The following MTRF1 variants were observed in gnomAD, a reference collection of about 807,000 sequenced individuals.
MTRF1 encodes the protein mitochondrial translation release factor 1, also known as peptide chain release factor 1, mitochondrial.
A neutral mutation model predicts 62.9 loss-of-function variants in MTRF1; 51 were observed. The observed-to-expected ratio is 0.81, with a 90% CI of 0.65 to 1.02. The LOEUF (loss-of-function observed/expected upper bound fraction) is 1.02, where lower values mean the gene tolerates loss of function less well. Among genes scored for constraint, MTRF1 ranks in the 50% least tolerant of loss-of-function variants. MTRF1 has a pLI of 0.00. For missense variants in MTRF1, 446 were observed against 530.0 expected (o/e 0.84, Z 1.56); for synonymous variants, 158 against 181.9 (o/e 0.87, Z 1.06).
Position 41,233,962 on chromosome 13 carries a change from G to A in MTRF1, c.916C>T (p.Arg306Ter). The A allele has an allele frequency of 2.5e-6, 4 of 1,614,006 alleles. No homozygotes were observed. Among genetic ancestry groups the A allele is most frequent in the Non-Finnish European group, 2.5e-6 (3 of 1,179,942 alleles). ...DPKDLRIDTF[R>*]AKGAGGQHVN... ...TGCTGCCCTCCTGCTCCTTTGGCTC[G>A]AAATGTATCTATTCGCAAATCCTTG... Residue 306 changes from arginine to a stop codon, truncating the protein, a stop_gained, in exon 7 of 10, where the codon CGA (arginine) becomes TGA (stop). Coordinates refer to ENST00000379480, the MANE Select transcript of MTRF1 (RefSeq NM_004294.4). LOFTEE classifies it high-confidence loss of function.
chr13:41,248,360 G>A (rs1216317869), intron 5 of MTRF1, among the ~76,000 whole-genome samples: 1 of 152,192 alleles, frequency 6.6e-6, no homozygotes, highest in African/African-American at 2.4e-5. Context: ...GACCTCAGGT[G>A]ATCCACCTGC....
intron 9 of MTRF1, among the ~76,000 whole-genome samples, chr13:41,221,872 G>A (rs1281625462): frequency 6.6e-6 from 1 of 152,150 alleles, no homozygotes; most frequent in African/African-American, 2.4e-5. Context: ...AGAACAATAT[G>A]GCCAAACACG....
chr13:41,263,450 G>T (rs555582546), intron 1 of MTRF1, 35 bp downstream of exon 1: 49 of 383,094 alleles, frequency 1.3e-4, no homozygotes, highest in Non-Finnish European at 1.8e-4. Flanking sequence ...CAATACAGGA[G>T]GCGGCGGGGA....
chr13:41,217,003 GTGTTCTTAAAGC>G lies in MTRF1; in HGVS notation c.*100_*111del. 2 of 549,738 alleles carry G rather than the reference GTGTTCTTAAAGC, an allele frequency of 3.6e-6. No homozygotes were observed. The highest frequency in any genetic ancestry group is 6.3e-6 in the Non-Finnish European group (2 of 315,682). 34.1% of individuals were successfully genotyped at this position (549,738 alleles called of 1,614,324 possible). A position where few individuals can be genotyped will look rare whatever the true frequency, so the allele number is the denominator to read the frequency against. ...TACAAAACATATATTTATGTGTAAT[GTGTTCTTAAAGC>G]TGTAATTTACAAATATTCATAATGA... is the stretch of plus-strand genomic sequence containing the variant. On this transcript the variant is annotated 3_prime_UTR_variant, in exon 10 of 10. Transcript: ENST00000379480.
At chr13:41,244,544 C>A (rs979136098) in intron 5 of MTRF1, among the ~76,000 whole-genome samples, 4 of 152,102 alleles carry the variant, frequency 2.6e-5, no homozygotes, top group Non-Finnish European at 5.9e-5. Context: ...GTATTCATAC[C>A]CTTACAGTTC....
At chr13:41,308,170 ATAGT>A in the MTRF1 span, among the ~76,000 whole-genome samples, 1 of 152,192 alleles carries the variant, frequency 6.6e-6, no homozygotes, top group Non-Finnish European at 1.5e-5. Context: ...GAGAGTGAAG[ATAGT>A]TAATGATTTG....
At chr13:41,219,809 A>C (rs2032832854) in intron 9 of MTRF1, among the ~76,000 whole-genome samples, 1 of 150,782 alleles carries the variant, frequency 6.6e-6, no homozygotes, top group Non-Finnish European at 1.5e-5. Context: ...GAACAGCCTG[A>C]CCAACATGGG....
chr13:41,223,415 A>C, intron 8 of MTRF1, 61 bp from the exon 9 acceptor site: 1 of 1,344,858 alleles, frequency 7.4e-7, no homozygotes, highest in Non-Finnish European at 1.1e-6. Flanking sequence ...TTACAATGGA[A>C]AAAGCACTTG....
chr13:41,296,461 G>T, the MTRF1 span, among the ~76,000 whole-genome samples: 1 of 152,022 alleles, frequency 6.6e-6, no homozygotes, highest in African/African-American at 2.4e-5. Flanking sequence ...ACTTTTTGTT[G>T]GCTTAAAATT....
the MTRF1 span, among the ~76,000 whole-genome samples, chr13:41,303,068 G>A: frequency 1.3e-5 from 2 of 152,002 alleles, no homozygotes; most frequent in African/African-American, 4.8e-5. Flanking sequence ...AGAAATTCCA[G>A]AAAGAGCCTT....
At chr13:41,266,973 G>A (rs1566204632), upstream of MTRF1, among the ~76,000 whole-genome samples, 1 of 140,800 alleles carries the variant, frequency 7.1e-6, no homozygotes, top group African/African-American at 2.8e-5. Flanking sequence ...CTCCAGCCTG[G>A]CCAACAGAGC....
chr13:41,234,049 C>T (rs774753258), intron 6 of MTRF1, 42 bp from the exon 7 acceptor site: 58 of 1,395,850 alleles, frequency 4.2e-5, no homozygotes, highest in Non-Finnish European at 5.8e-5. Flanking sequence ...TCCGTGAATA[C>T]TTTAATATAA....
intron 6 of MTRF1, among the ~76,000 whole-genome samples, chr13:41,238,904 A>C (rs552461700): frequency 1.1e-4 from 16 of 152,298 alleles, no homozygotes; most frequent in African/African-American, 3.1e-4. Context: ...TCAACATAAT[A>C]CAGAGGATAA....
intron 3 of MTRF1, among the ~76,000 whole-genome samples, chr13:41,253,650 CAAAGTA>C (rs2039356716): frequency 6.6e-6 from 1 of 152,196 alleles, no homozygotes; most frequent in African/African-American, 2.4e-5. Flanking sequence ...TTTTTCAAAT[CAAAGTA>C]AAAGTACCTA....
intron 9 of MTRF1, among the ~76,000 whole-genome samples, chr13:41,218,256 C>G (rs967186888): frequency 2.7e-5 from 4 of 150,434 alleles, no homozygotes; most frequent in Admixed American, 1.3e-4. Context: ...GCTGGGACTA[C>G]AGGCACATGC....
the MTRF1 span, among the ~76,000 whole-genome samples, chr13:41,294,481 AT>A: frequency 9.2e-5 from 14 of 152,026 alleles, no homozygotes; most frequent in Non-Finnish European, 1.9e-4. Context: ...TATGAAAAAA[AT>A]TTTTTGTCTA....
chr13:41,222,995 T>C (rs1024416578), intron 9 of MTRF1, among the ~76,000 whole-genome samples: 5 of 152,202 alleles, frequency 3.3e-5, no homozygotes, highest in African/African-American at 1.2e-4. Context: ...ATATGCAGAC[T>C]GAATATACGT....
the MTRF1 span, chr13:41,311,506 A>G: frequency 1.9e-6 from 3 of 1,587,488 alleles, no homozygotes; most frequent in African/African-American, 4.0e-5. Flanking sequence ...CCTGCCGGCC[A>G]CCTAGCCTCC....
chr13:41,264,099 TAA>T (rs1429992028), upstream of MTRF1, among the ~76,000 whole-genome samples: 1 of 152,198 alleles, frequency 6.6e-6, no homozygotes, highest in East Asian at 1.9e-4. Context: ...TTAAAAAAAA[TAA>T]AGACTCCTTT....
Sources: gnomAD v4.1 joint callset for allele counts (sites outside exome capture counted in the v4.1 genomes callset) on GRCh38, gnomAD v4.1.1 for gene constraint, MANE v1.5 for transcripts, NCBI Gene and HGNC (gene_info 2026-07-23, HGNC 2026-07-21) for gene names.